The following SHANK1 variants were observed in gnomAD, a reference collection of about 807,000 sequenced individuals.
SHANK1 encodes the protein SH3 and multiple ankyrin repeat domains protein 1.
Under a neutral mutation model 165.6 loss-of-function variants are expected in SHANK1, and 35 were observed. The observed-to-expected ratio is 0.21, with a 90% confidence interval of 0.16 to 0.28. The LOEUF (loss-of-function observed/expected upper bound fraction) is 0.28. Among genes scored for constraint, SHANK1 ranks in the 10% least tolerant of loss-of-function variants. The probability of loss-of-function intolerance (pLI) is 1.00; values close to 1 mark genes in which losing one functional copy is unlikely to be tolerated. For synonymous variants in SHANK1, 1,428 were observed against 1,384.8 expected, an observed-to-expected ratio of 1.03 and a Z score of -0.69; for missense variants, 2,681 against 3,036.4, an observed-to-expected ratio of 0.88 and a Z score of 2.75.
chr19:50,668,339 C>A lies in SHANK1; in HGVS notation c.3621G>T (p.Val1207=). ...TGGGCACGGGCGAGGGGGACGGGGGCACGGGTGACATGGCCGGGGCGGGGC... is the reference window on the plus strand; with the variant it reads ...TGGGCACGGGCGAGGGGGACGGGGGAACGGGTGACATGGCCGGGGCGGGGC... ...SPSPAPAMSP[V]PPSPSPVPTP... The change falls in exon 23 of 24, where the codon GTG becomes GTT. Residue 1207 remains valine, a synonymous_variant. Transcript: ENST00000293441. 2 of 1,260,608 alleles carry A rather than the reference C, an allele frequency of 1.6e-6. No homozygotes were observed. Among genetic ancestry groups the A allele is most frequent in the Non-Finnish European group, 2.0e-6 (2 of 1,004,196 alleles). The allele number at this position is 1,260,608 out of a possible 1,614,324, so 78.1% of individuals were successfully genotyped here. A position where few individuals can be genotyped will look rare whatever the true frequency, so the allele number is the denominator to read the frequency against.
chr19:50,690,694 C>T lies in SHANK1; in HGVS notation c.1965-1415G>A, dbSNP rs908580408. 2.0e-5 allele frequency among the ~76,000 whole-genome samples: 3 copies of T among 152,084 alleles called. No individual in the cohort carries two copies. The highest frequency in any genetic ancestry group is 6.5e-5 in the Admixed American group (1 of 15,270). ...GCCCCCACAAATTCAGCAAAACAGC[C>T]GTCCTCGAATACTCCAGTATGTTTC... On this transcript the variant is annotated intron_variant, in intron 15 of 23. Coordinates refer to ENST00000293441, the MANE Select transcript of SHANK1 (RefSeq NM_016148.5). The surrounding 1 kb of genome is among the most constrained non-coding windows in gnomAD (Gnocchi z 4.9).
At chr19:50,689,085 G>A (rs925217061) in intron 16 of SHANK1, 112 bp downstream of exon 16, 56 of 1,104,274 alleles carry the variant, frequency 5.1e-5, no homozygotes, top group African/African-American at 2.3e-4. Flanking sequence ...CCAGCACCCC[G>A]GGGTGGGGTG....
rs1373880850 is a variant in SHANK1 at position 50,718,054 on chromosome 19, C to G, written c.-43-1092G>C. On this transcript the variant is annotated intron_variant, in intron 1 of 23. Coordinates refer to ENST00000293441, the MANE Select transcript of SHANK1 (RefSeq NM_016148.5). This position sits in a 1 kb window ranked among gnomAD's most constrained non-coding sequence, Gnocchi z 5.1. ...TGGTCCCTCCCCCCAACACCAGGCCCGGTTCCTGCACCGTTGCCATGGAGA... is the reference window on the plus strand; with the variant it reads ...TGGTCCCTCCCCCCAACACCAGGCCGGGTTCCTGCACCGTTGCCATGGAGA... Among the ~76,000 whole-genome samples, 1 of 152,098 alleles carries G rather than the reference C, an allele frequency of 6.6e-6. No individual in the cohort carries two copies. Among genetic ancestry groups the G allele is most frequent in the Non-Finnish European group, 1.5e-5 (1 of 68,002 alleles).
At chr19:50,700,120 G>C (rs373431667) in intron 12 of SHANK1, among the ~76,000 whole-genome samples, 4 of 140,904 alleles carry the variant, frequency 2.8e-5, no homozygotes, top group African/African-American at 8.1e-5. Flanking sequence ...GAGGGCTCGG[G>C]GCATTGGAGG....
chr19:50,662,321 C>T lies in SHANK1; in HGVS notation c.6130G>A (p.Gly2044Arg). The T allele has an allele frequency of 6.2e-7, 1 of 1,607,932 alleles. No individual in the cohort carries two copies. Among genetic ancestry groups the T allele is most frequent in the Non-Finnish European group, 8.5e-7 (1 of 1,176,004 alleles). ...DIRGSPTGGAGGSADPFAPVF... is the reference protein window; with the variant it reads ...DIRGSPTGGARGSADPFAPVF... Reference sequence around the variant, plus strand: ...GGGGCGAAGGGGTCAGCCGAGCCTCCTGCCCCTCCAGTTGGGGAGCCACGG... The same window carrying T: ...GGGGCGAAGGGGTCAGCCGAGCCTCTTGCCCCTCCAGTTGGGGAGCCACGG... Residue 2044 changes from glycine (G) to arginine (R), a missense_variant, in exon 24 of 24, where the codon GGA (glycine) becomes AGA (arginine). Gly to Arg is a moderately radical substitution (Grantham distance 125). Coordinates refer to ENST00000293441, the MANE Select transcript of SHANK1 (RefSeq NM_016148.5). The surrounding 1 kb of genome is among the most constrained non-coding windows in gnomAD (Gnocchi z 7.7).
At chr19:50,679,065 A>G (rs183003623) in intron 21 of SHANK1, among the ~76,000 whole-genome samples, 75 of 4,160 alleles carry the variant, frequency 0.018, no homozygotes, top group African/African-American at 0.063. Flanking sequence ...GGAGGGGTCA[A>G]GATGATGGGG....
Position 50,717,476 on chromosome 19 carries a change from A to C in SHANK1, c.-43-514T>G, listed in dbSNP as rs958196371. Among the ~76,000 whole-genome samples the C allele has an allele frequency of 3.3e-5, 5 of 152,020 alleles. No homozygotes were observed. The highest frequency in any genetic ancestry group is 1.2e-4 in the African/African-American group (5 of 41,384). On this transcript the variant is annotated intron_variant, in intron 1 of 23. Transcript: ENST00000293441. This position sits in a 1 kb window ranked among gnomAD's most constrained non-coding sequence, Gnocchi z 5.5. ...GTAAGGGGGAGAGGGAGGTGTGGTG[A>C]GCCTGGAGCGGGTGGAGCTGGTGAC...
rs940126115 is a variant in SHANK1, at chr19:50,690,700, C to T, written c.1965-1421G>A. Among the ~76,000 whole-genome samples, 4 of 152,074 alleles carry T rather than the reference C, an allele frequency of 2.6e-5. No homozygotes were observed. Among genetic ancestry groups the T allele is most frequent in the African/African-American group, 7.3e-5 (3 of 41,378 alleles). Reference sequence around the variant, plus strand: ...ACAAATTCAGCAAAACAGCCGTCCTCGAATACTCCAGTATGTTTCGGCAAC... The same window carrying T: ...ACAAATTCAGCAAAACAGCCGTCCTTGAATACTCCAGTATGTTTCGGCAAC... On this transcript the variant is annotated intron_variant, in intron 15 of 23. Transcript: ENST00000293441. The surrounding 1 kb of genome is among the most constrained non-coding windows in gnomAD (Gnocchi z 4.9).
In SHANK1 at chr19:50,697,046, C is replaced by A. The variant is rs1372530038; in HGVS notation, c.1964+50G>T. 2.7e-6 allele frequency: 4 copies of A among 1,506,340 alleles called. No individual in the cohort carries two copies. In the South Asian group the frequency reaches 4.5e-5, roughly 17 times the overall value. 93.3% of individuals were successfully genotyped at this position (1,506,340 alleles called of 1,614,324 possible). ...ACACGTTCACACGCCCCCCAGGCAC[C>A]CCGTCCTTCCCCTCCTGACCCCATC... On this transcript the variant is annotated intron_variant, in intron 15 of 23. Transcript: ENST00000293441. This position sits in a 1 kb window ranked among gnomAD's most constrained non-coding sequence, Gnocchi z 4.7.
rs1599841586 is a variant in SHANK1 at position 50,668,608 on chromosome 19, C to T, written c.3352G>A (p.Gly1118Ser). ...GPLVKQTKVE[G>S]EPQKGGGLPP... ...AGGCCGCCGCCCTTCTGGGGCTCGC[C>T]TTCCACCTTGGTCTGCTTGACCAGC... Residue 1118 changes from glycine (G) to serine (S), a missense_variant, in exon 23 of 24, where the codon GGC becomes AGC. Around this residue, in one of 10 missense-constraint regions of SHANK1, gnomAD observed 1,713 missense variants for 1,630.2 expected, o/e 1.05. Coordinates refer to ENST00000293441, the MANE Select transcript of SHANK1 (RefSeq NM_016148.5). The T allele has an allele frequency of 4.4e-6, 6 of 1,376,998 alleles. No homozygotes were observed. In the East Asian group the frequency reaches 1.9e-4, roughly 44 times the overall value. The allele number at this position is 1,376,998 out of a possible 1,614,324, so 85.3% of individuals were successfully genotyped here. A position where few individuals can be genotyped will look rare whatever the true frequency, so the allele number is the denominator to read the frequency against.
intron 21 of SHANK1, among the ~76,000 whole-genome samples, chr19:50,682,371 T>C (rs1986207148): frequency 6.6e-6 from 1 of 152,192 alleles, no homozygotes. Flanking sequence ...GCCTGTTTTC[T>C]ATCCTGAGGG....
At chr19:50,669,360 G>A (rs923230623) in intron 22 of SHANK1, 75 bp from the exon 23 acceptor site, 107 of 952,944 alleles carry the variant, frequency 1.1e-4, no homozygotes, top group East Asian at 6.5e-4. Flanking sequence ...CCATAGAACC[G>A]CAACAATACT....
In SHANK1 at chr19:50,687,549, G is replaced by C; in HGVS notation, c.2389+33C>G. The C allele has an allele frequency of 2.0e-6, 3 of 1,519,856 alleles. No homozygotes were observed. In the South Asian group the frequency reaches 3.7e-5, roughly 19 times the overall value. The allele number at this position is 1,519,856 out of a possible 1,614,324, so 94.1% of individuals were successfully genotyped here. On this transcript the variant is annotated intron_variant, in intron 19 of 23. Coordinates refer to ENST00000293441, the MANE Select transcript of SHANK1 (RefSeq NM_016148.5). ...CCAGCCCTCCTTCCCCTCTCCCCCC[G>C]GCCCCCTGGCCTCAGCAGCCCCGCA...
chr19:50,719,467 A>AC lies in SHANK1; in HGVS notation c.-106dup, dbSNP rs1599877632. ...CCCGCGGCCCCTCCCCCCTCCCCCCACCCCCCACCCCCCCGGAGACGGGGA... is the reference window on the plus strand; with the variant it reads ...CCCGCGGCCCCTCCCCCCTCCCCCCACCCCCCCACCCCCCCGGAGACGGGGA... On this transcript the variant is annotated 5_prime_UTR_variant, in exon 1 of 24. Coordinates refer to ENST00000293441, the MANE Select transcript of SHANK1 (RefSeq NM_016148.5). The AC allele has an allele frequency of 2.9e-5, 1 of 34,404 alleles. No individual in the cohort carries two copies. Among genetic ancestry groups the AC allele is most frequent in the African/African-American group, 1.2e-4 (1 of 8,574 alleles). 2.1% of individuals were successfully genotyped at this position (34,404 alleles called of 1,614,324 possible).
chr19:50,700,882 A>G (rs929682666), intron 12 of SHANK1, among the ~76,000 whole-genome samples: 5 of 152,000 alleles, frequency 3.3e-5, no homozygotes, highest in African/African-American at 4.8e-5. Context: ...CCCCCACAGT[A>G]GCTCCTGAAT....
rs2089070348 is a variant in SHANK1 at position 50,716,424 on chromosome 19, G to A, written c.310C>T (p.Leu104Phe). Residue 104 changes from leucine to phenylalanine, a missense_variant, in exon 3 of 24, where the codon CTC becomes TTC. Physicochemically the swap from Leu to Phe is conservative, Grantham distance 22. Transcript: ENST00000293441. The surrounding 1 kb of genome is among the most constrained non-coding windows in gnomAD (Gnocchi z 8.4). ...ATIWTAKQQVLCALSESLQDV... is the reference protein window; with the variant it reads ...ATIWTAKQQVFCALSESLQDV... ...TGCAGGCTCTCGCTCAGGGCACAGA[G>A]CACCTGCTGCTTGGCCGTCCAGATG... The A allele has an allele frequency of 6.2e-7, 1 of 1,614,092 alleles. No homozygotes were observed. Among genetic ancestry groups the A allele is most frequent in the Non-Finnish European group, 8.5e-7 (1 of 1,180,038 alleles).
chr19:50,686,767 C>A lies in SHANK1; in HGVS notation c.2435G>T (p.Arg812Leu). Residue 812 changes from arginine to leucine, a missense_variant, in exon 20 of 24, where the codon CGG becomes CTG. Physicochemically the swap from Arg to Leu is moderately radical, Grantham distance 102. This residue lies in a region of SHANK1 where 206 missense variants were observed against 216.0 expected (regional missense o/e 0.95). Coordinates refer to ENST00000293441, the MANE Select transcript of SHANK1 (RefSeq NM_016148.5). This position sits in a 1 kb window ranked among gnomAD's most constrained non-coding sequence, Gnocchi z 5.7. ...ACTGAGAGCCATCTGATACACGGTC[C>A]GCTTTTTCTCCATGCTGGGCACCGG... ...PAPVPSMEKK[R>L]TVYQMALNKL... 3 of 1,613,818 alleles carry A rather than the reference C, an allele frequency of 1.9e-6. No homozygotes were observed. Among genetic ancestry groups the A allele is most frequent in the Non-Finnish European group, 2.5e-6 (3 of 1,179,822 alleles).
Position 50,697,508 on chromosome 19 carries a change from G to T in SHANK1, c.1937+81C>A. 9.2e-7 allele frequency: 1 copy of T among 1,082,562 alleles called. No homozygotes were observed. Among genetic ancestry groups the T allele is most frequent in the Non-Finnish European group, 1.4e-6 (1 of 695,628 alleles). 67.1% of individuals were successfully genotyped at this position (1,082,562 alleles called of 1,614,324 possible). A position where few individuals can be genotyped will look rare whatever the true frequency, so the allele number is the denominator to read the frequency against. On this transcript the variant is annotated intron_variant, in intron 14 of 23. Transcript: ENST00000293441. The surrounding 1 kb of genome is among the most constrained non-coding windows in gnomAD (Gnocchi z 4.7). ...GAACAGATTAGAAAGGGGGCTTAGAGGTGATGGAAATATTTAAAGGTGTAC... is the reference window on the plus strand; with the variant it reads ...GAACAGATTAGAAAGGGGGCTTAGATGTGATGGAAATATTTAAAGGTGTAC...
At position 50,686,950 on chromosome 19, in the gene SHANK1, GGGAGGGGCGAGTCCGCC is replaced by G. The variant is rs1446368708; in HGVS notation, c.2390-155_2390-139del. 154 of 1,350,244 alleles carry G rather than the reference GGGAGGGGCGAGTCCGCC, an allele frequency of 1.1e-4. No individual in the cohort carries two copies. Among genetic ancestry groups the G allele is most frequent in the Non-Finnish European group, 1.4e-4 (146 of 1,017,578 alleles). The allele number at this position is 1,350,244 out of a possible 1,614,324, so 83.6% of individuals were successfully genotyped here. A position where few individuals can be genotyped will look rare whatever the true frequency, so the allele number is the denominator to read the frequency against. The stretch of plus-strand genomic sequence containing the variant: ...GAGGGGCAGTGAGGGGCCGGGGTCA[GGGAGGGGCGAGTCCGCC>G]GGCGGGGTCGGGAGACGGGGGCCCT... On this transcript the variant is annotated intron_variant, in intron 19 of 23. Transcript: ENST00000293441. The surrounding 1 kb of genome is among the most constrained non-coding windows in gnomAD (Gnocchi z 5.7).
Sources: allele counts gnomAD v4.1 joint callset (sites outside exome capture counted in the v4.1 genomes callset), GRCh38; gene constraint gnomAD v4.1.1; regional missense constraint gnomAD v4.1.1; non-coding constraint Gnocchi (gnomAD v3.1); transcripts MANE v1.5; gene names NCBI Gene and HGNC (gene_info 2026-07-23, HGNC 2026-07-21).